Variants in SMC4 observed in about 807,000 individuals in gnomAD.
SMC4 encodes structural maintenance of chromosomes protein 4.
Under a neutral mutation model 145.6 loss-of-function variants are expected in SMC4, and 87 were observed. That is an observed-to-expected ratio of 0.60 (90% CI 0.50 to 0.71). The LOEUF is 0.71. Among genes scored for constraint, SMC4 ranks in the 30% least tolerant of loss-of-function variants. The pLI is 0.00. For synonymous variants in SMC4, 558 were observed against 500.7 expected, an observed-to-expected ratio of 1.11 and a Z score of -1.53; for missense variants, 1,447 against 1,537.1, an observed-to-expected ratio of 0.94 and a Z score of 0.98.
In SMC4 at chr3:160,417,672, A is replaced by G. The variant is rs776919733; in HGVS notation, c.1438-51A>G. The G allele has an allele frequency of 3.0e-5, 40 of 1,315,206 alleles. No homozygotes were observed. The South Asian group carries it at 4.5e-4, about 15-fold the overall frequency. 81.5% of individuals were successfully genotyped at this position (1,315,206 alleles called of 1,614,324 possible). Reference sequence around the variant, plus strand: ...AAAATGTATGGTTTCATTTCAGTGTAGGTTTGAAAGTAAATATCTGTCCAG... The same window carrying G: ...AAAATGTATGGTTTCATTTCAGTGTGGGTTTGAAAGTAAATATCTGTCCAG... On this transcript the variant is annotated intron_variant, in intron 10 of 23. Coordinates refer to ENST00000357388, the MANE Select transcript of SMC4 (RefSeq NM_001002800.3).
At chr3:160,429,574 T>G (rs1718152981) in intron 18 of SMC4, among the ~76,000 whole-genome samples, 1 of 152,106 alleles carries the variant, frequency 6.6e-6, no homozygotes, top group Middle Eastern at 3.4e-3. Context: ...CTTGAACTCC[T>G]GGGCTGAAGC....
chr3:160,429,429 A>G (rs1253606466), intron 18 of SMC4, among the ~76,000 whole-genome samples: 1 of 151,590 alleles, frequency 6.6e-6, no homozygotes, highest in African/African-American at 2.4e-5. Context: ...CTGCAGCCTC[A>G]ATCTCCCAGG....
rs149824293 is a variant in SMC4 at position 160,416,098 on chromosome 3, G to A, written c.1273-153G>A. Among the ~76,000 whole-genome samples the A allele has an allele frequency of 2.4e-3, 358 of 152,134 alleles. 3 individuals carry two copies. Among genetic ancestry groups the A allele is most frequent in the African/African-American group, 7.9e-3 (329 of 41,510 alleles). On this transcript the variant is annotated intron_variant, in intron 9 of 23. Coordinates refer to ENST00000357388, the MANE Select transcript of SMC4 (RefSeq NM_001002800.3). The stretch of plus-strand genomic sequence containing the variant: ...AATATAGAAATTACAGTGAATAGTC[G>A]GGAAAATACTTGTTAAAGCTAGCTA...
In SMC4 at chr3:160,416,233, CTTG is replaced by C. The variant is rs1560000041; in HGVS notation, c.1273-15_1273-13del. 2 of 1,551,956 alleles carry C rather than the reference CTTG, an allele frequency of 1.3e-6. No individual in the cohort carries two copies. Among genetic ancestry groups the C allele is most frequent in the East Asian group, 4.5e-5 (2 of 44,244 alleles). On this transcript the variant is annotated splice_polypyrimidine_tract_variant and intron_variant, in intron 9 of 23. Transcript: ENST00000357388. ...AACATAAAGATGTATGCTCCTATAA[CTTG>C]TTTTATAATCTCAGGTTGAAGAATT...
At position 160,416,323 on chromosome 3, in the gene SMC4, C is replaced by G. The variant is rs145011015; in HGVS notation, c.1345C>G (p.Leu449Val). ...TGAAACAACAACCAGAAACAATGCC[C>G]TCGAGAAGGAAAAAGAGAAAGAAGA... is the stretch of plus-strand genomic sequence containing the variant. ...INETTTRNNA[L>V]EKEKEKEEKK... The change falls in exon 10 of 24, where the codon CTC becomes GTC. Residue 449 changes from leucine to valine, a missense_variant. Leu to Val is a conservative substitution (Grantham distance 32, BLOSUM62 1). Coordinates refer to ENST00000357388, the MANE Select transcript of SMC4 (RefSeq NM_001002800.3). 3.7e-6 allele frequency: 6 copies of G among 1,604,994 alleles called. No individual in the cohort carries two copies. The African/African-American group carries it at 8.1e-5, about 22-fold the overall frequency.
chr3:160,429,261 A>T (rs187365232), intron 18 of SMC4, among the ~76,000 whole-genome samples: 6 of 152,330 alleles, frequency 3.9e-5, no homozygotes, highest in African/African-American at 1.4e-4. Flanking sequence ...ATTTAAATAG[A>T]TACAGGCCTT....
chr3:160,408,690 A>G (rs1201636408), intron 5 of SMC4, among the ~76,000 whole-genome samples: 2 of 152,214 alleles, frequency 1.3e-5, no homozygotes, highest in East Asian at 3.8e-4. Flanking sequence ...GTAATTTTAC[A>G]TGAGTTATGT....
At chr3:160,433,373 A>T (rs1718628453) in intron 23 of SMC4, 164 bp downstream of exon 23, 1 of 561,638 alleles carries the variant, frequency 1.8e-6, no homozygotes, top group South Asian at 3.1e-5. Flanking sequence ...TTTTTATTTG[A>T]ACCAAATATT....
intron 1 of SMC4, 98 bp from the exon 2 acceptor site, chr3:160,400,724 G>A (rs1714496288): frequency 7.4e-7 from 1 of 1,355,516 alleles, no homozygotes; most frequent in Admixed American, 3.8e-5. Flanking sequence ...TGTTAAGCGG[G>A]GCTCTCGGAA....
At chr3:160,427,523 A>C (rs544805003) in intron 17 of SMC4, among the ~76,000 whole-genome samples, 79 of 152,256 alleles carry the variant, frequency 5.2e-4, no homozygotes, top group Non-Finnish European at 8.1e-4. Flanking sequence ...TGTGCTATTA[A>C]TGGCAACATT....
In SMC4 at chr3:160,413,615, TA is replaced by T. The variant is rs1193708412; in HGVS notation, c.1121+4del. 7.4e-7 allele frequency: 1 copy of T among 1,343,620 alleles called. No individual in the cohort carries two copies. Among genetic ancestry groups the T allele is most frequent in the South Asian group, 1.3e-5 (1 of 76,686 alleles). 83.2% of individuals were successfully genotyped at this position (1,343,620 alleles called of 1,614,324 possible). Reference sequence around the variant, plus strand: ...TAAAGATGTAAAAGATACAGAAAAGTAATAATATTTTGGGAAGTACTAAAAG... The same window carrying T: ...TAAAGATGTAAAAGATACAGAAAAGTATAATATTTTGGGAAGTACTAAAAG... On this transcript the variant is annotated splice_donor_region_variant and intron_variant, in intron 8 of 23. Transcript: ENST00000357388.
At chr3:160,429,150 G>T (rs1332535067) in intron 18 of SMC4, among the ~76,000 whole-genome samples, 1 of 152,090 alleles carries the variant, frequency 6.6e-6, no homozygotes, top group African/African-American at 2.4e-5. Flanking sequence ...AAACAGGTAT[G>T]CCATAGGAAA....
chr3:160,400,028 C>T (rs966164562), intron 1 of SMC4: 2 of 152,416 alleles, frequency 1.3e-5, no homozygotes, highest in Admixed American at 6.5e-5. Flanking sequence ...TAGTCTCTAT[C>T]TGGAAAAGGG....
chr3:160,419,590 A>G (rs774397698), intron 12 of SMC4, 47 bp downstream of exon 12: 42 of 1,526,960 alleles, frequency 2.8e-5, no homozygotes, highest in Non-Finnish European at 3.6e-5. Context: ...TTTTTTTAAG[A>G]AAGTGTAACT....
intron 5 of SMC4, among the ~76,000 whole-genome samples, chr3:160,405,115 C>G (rs559184480): frequency 6.6e-6 from 1 of 151,924 alleles, no homozygotes; most frequent in Non-Finnish European, 1.5e-5. Flanking sequence ...ACTGAAAGAA[C>G]GAAACTTTGA....
intron 10 of SMC4, among the ~76,000 whole-genome samples, chr3:160,417,157 T>C (rs1716675047): frequency 1.3e-5 from 2 of 152,170 alleles, no homozygotes; most frequent in Admixed American, 6.5e-5. Flanking sequence ...TTGACTGCAT[T>C]AAAAAGTCAT....
In SMC4 at chr3:160,402,655, GT is replaced by G; in HGVS notation, c.319-16del. Reference sequence around the variant, plus strand: ...GACCTTATGAACTTTTCCGTGTTTTGTTTTTGTTTTTTTAATGCAGCGCTTT... The same window carrying G: ...GACCTTATGAACTTTTCCGTGTTTTGTTTTGTTTTTTTAATGCAGCGCTTT... On this transcript the variant is annotated intron_variant, in intron 3 of 23. Coordinates refer to ENST00000357388, the MANE Select transcript of SMC4 (RefSeq NM_001002800.3). 6.3e-7 allele frequency: 1 copy of G among 1,590,780 alleles called. No homozygotes were observed. The highest frequency in any genetic ancestry group is 8.5e-7 in the Non-Finnish European group (1 of 1,174,082).
At chr3:160,411,804 A>G (rs570299059) in intron 5 of SMC4, 116 bp from the exon 6 acceptor site, 2 of 722,464 alleles carry the variant, frequency 2.8e-6, no homozygotes, top group East Asian at 5.4e-5. Context: ...TACTAACTGT[A>G]CATTATTTAG....
At chr3:160,429,071 C>T in intron 18 of SMC4, 129 bp downstream of exon 18, 1 of 717,332 alleles carries the variant, frequency 1.4e-6, no homozygotes, top group Non-Finnish European at 2.2e-6. Flanking sequence ...TGACACATTA[C>T]CTAATGGGAC....
Sources: allele counts gnomAD v4.1 joint callset (sites outside exome capture counted in the v4.1 genomes callset), GRCh38; gene constraint gnomAD v4.1.1; transcripts MANE v1.5; gene names NCBI Gene and HGNC (gene_info 2026-07-23, HGNC 2026-07-21).